The following EMILIN2 variants were observed in gnomAD, a reference collection of about 807,000 sequenced individuals.
EMILIN2 encodes the protein elastin microfibril interfacer 2.
In EMILIN2, 71 loss-of-function variants were observed where a neutral mutation model predicts 87.1. The observed-to-expected ratio is 0.82, with a 90% CI of 0.67 to 0.99. The LOEUF (loss-of-function observed/expected upper bound fraction) is 0.99, where lower values mean the gene tolerates loss of function less well. Among genes scored for constraint, EMILIN2 ranks in the 50% least tolerant of loss-of-function variants. The pLI is 0.00. For missense variants in EMILIN2, 1,407 were observed against 1,371.8 expected (o/e 1.03, Z -0.40); for synonymous variants, 581 against 563.4 (o/e 1.03, Z -0.44).
chr18:2,892,517 T>G, intron 4 of EMILIN2, 31 bp downstream of exon 4: 1 of 1,544,070 alleles, frequency 6.5e-7, no homozygotes, highest in Non-Finnish European at 8.7e-7. Flanking sequence ...CTATTTCTTG[T>G]ATTTCTTTGC....
At chr18:2,912,205 A>ATT (rs11401685) in intron 7 of EMILIN2, among the ~76,000 whole-genome samples, 4 of 151,106 alleles carry the variant, frequency 2.6e-5, no homozygotes, top group African/African-American at 9.7e-5. Context: ...CGCCCATCTA[A>ATT]TTTTTTTTGT....
intron 3 of EMILIN2, among the ~76,000 whole-genome samples, chr18:2,886,405 A>G (rs935676383): frequency 6.6e-6 from 1 of 152,244 alleles, no homozygotes; most frequent in Non-Finnish European, 1.5e-5. Context: ...GAATAGCTTT[A>G]TAAGGACTAA....
In EMILIN2 at chr18:2,891,872, T is replaced by G; in HGVS notation, c.1745T>G (p.Leu582Arg). 6.2e-7 allele frequency: 1 copy of G among 1,614,282 alleles called. No homozygotes were observed. The highest frequency in any genetic ancestry group is 8.5e-7 in the Non-Finnish European group (1 of 1,180,050). Residue 582 changes from leucine (L) to arginine (R), a missense_variant, in exon 4 of 8, where the codon CTT becomes CGT. Physicochemically the swap from Leu to Arg is moderately radical, Grantham distance 102. Coordinates refer to ENST00000254528, the MANE Select transcript of EMILIN2 (RefSeq NM_032048.3). This position sits in a 1 kb window ranked among gnomAD's most constrained non-coding sequence, Gnocchi z 4.6. The stretch of plus-strand genomic sequence containing the variant: ...CGCGCAGTACGCGACAGCCTGCACC[T>G]TTTGAAATCTCTCAACGACACGATG... Reference protein sequence around the residue: ...EDRAVRDSLHLLKSLNDTMHR... With the variant: ...EDRAVRDSLHRLKSLNDTMHR...
intron 4 of EMILIN2, among the ~76,000 whole-genome samples, chr18:2,902,230 G>A (rs909107304): frequency 7.9e-5 from 12 of 152,220 alleles, no homozygotes; most frequent in African/African-American, 2.9e-4. Flanking sequence ...ATGGCCCATA[G>A]CGCCTGTCAT....
At chr18:2,887,928 A>C (rs1388455283) in intron 3 of EMILIN2, among the ~76,000 whole-genome samples, 4 of 152,126 alleles carry the variant, frequency 2.6e-5, no homozygotes, top group Non-Finnish European at 5.9e-5. Context: ...CAGCATCCCA[A>C]AGTGCTGGGG....
intron 2 of EMILIN2, among the ~76,000 whole-genome samples, chr18:2,863,863 T>G (rs1384524639): frequency 6.6e-6 from 1 of 152,162 alleles, no homozygotes; most frequent in Non-Finnish European, 1.5e-5. Flanking sequence ...CTAAGTCTCT[T>G]TGTAGGTCTC....
At chr18:2,872,214 T>A (rs917834561) in intron 2 of EMILIN2, among the ~76,000 whole-genome samples, 1 of 152,226 alleles carries the variant, frequency 6.6e-6, no homozygotes, top group Non-Finnish European at 1.5e-5. Context: ...CTGCTGTTGC[T>A]CAATGAATGG....
At position 2,858,585 on chromosome 18, in the gene EMILIN2, A is replaced by G. The variant is rs192524190; in HGVS notation, c.257+10654A>G. On this transcript the variant is annotated intron_variant, in intron 2 of 7. Coordinates refer to ENST00000254528, the MANE Select transcript of EMILIN2 (RefSeq NM_032048.3). ...TATATATATATGTGTGTGTGTGTGT[A>G]TATATATATATATATATGTGTATAT... Among the ~76,000 whole-genome samples the G allele has an allele frequency of 8.0e-3, 669 of 83,624 alleles. 65 individuals carry two copies. Among genetic ancestry groups the G allele is most frequent in the African/African-American group, 0.033 (401 of 12,176 alleles). 54.9% of individuals were successfully genotyped at this position (83,624 alleles called of 152,430 possible).
intron 2 of EMILIN2, among the ~76,000 whole-genome samples, chr18:2,853,793 G>A (rs1414949822): frequency 1.3e-5 from 2 of 152,240 alleles, no homozygotes; most frequent in Non-Finnish European, 2.9e-5. Context: ...CTACCGCAGC[G>A]GGTGCTGCAT....
rs974236919 is a variant in EMILIN2 at position 2,880,103 on chromosome 18, C to T, written c.258-4861C>T. ...TACAGTCTGGCAGGGAGGACAAACA[C>T]GGAGTAAGCAAACACAAGTGTGAAC... is the stretch of plus-strand genomic sequence containing the variant. On this transcript the variant is annotated intron_variant, in intron 2 of 7. Coordinates refer to ENST00000254528, the MANE Select transcript of EMILIN2 (RefSeq NM_032048.3). The surrounding 1 kb of genome is among the most constrained non-coding windows in gnomAD (Gnocchi z 4.1). Among the ~76,000 whole-genome samples the T allele has an allele frequency of 2.0e-5, 3 of 152,144 alleles. No individual in the cohort carries two copies. Among genetic ancestry groups the T allele is most frequent in the Admixed American group, 1.3e-4 (2 of 15,278 alleles).
intron 4 of EMILIN2, among the ~76,000 whole-genome samples, chr18:2,904,812 G>A (rs1209233627): frequency 6.6e-6 from 1 of 152,110 alleles, no homozygotes; most frequent in African/African-American, 2.4e-5. Context: ...ACATTTAATG[G>A]GGAGACACTA....
At chr18:2,853,792 C>T (rs977375741) in intron 2 of EMILIN2, among the ~76,000 whole-genome samples, 1 of 152,222 alleles carries the variant, frequency 6.6e-6, no homozygotes, top group Non-Finnish European at 1.5e-5. Context: ...CCTACCGCAG[C>T]GGGTGCTGCA....
rs1301144892 is a variant in EMILIN2, at chr18:2,890,238, TTATC to T, written c.434-320_434-317del. 6.6e-6 allele frequency among the ~76,000 whole-genome samples: 1 copy of T among 152,224 alleles called. No individual in the cohort carries two copies. Among genetic ancestry groups the T allele is most frequent in the African/African-American group, 2.4e-5 (1 of 41,456 alleles). On this transcript the variant is annotated intron_variant, in intron 3 of 7. Coordinates refer to ENST00000254528, the MANE Select transcript of EMILIN2 (RefSeq NM_032048.3). The surrounding 1 kb of genome is among the most constrained non-coding windows in gnomAD (Gnocchi z 4.7). ...CCCTCAGGGTGAAAGAGACCATTGA[TTATC>T]TAATAGGTGTCATGTACATATTATT...
At chr18:2,898,466 C>T (rs909888351) in intron 4 of EMILIN2, among the ~76,000 whole-genome samples, 13 of 152,158 alleles carry the variant, frequency 8.5e-5, no homozygotes, top group Admixed American at 3.3e-4. Context: ...GTGCTGGTGG[C>T]GAGCAGGAAG....
In EMILIN2 at chr18:2,906,794, C is replaced by T. The variant is rs755902961; in HGVS notation, c.2371C>T (p.Pro791Ser). 49 of 1,265,558 alleles carry T rather than the reference C, an allele frequency of 3.9e-5. No individual in the cohort carries two copies. The highest frequency in any genetic ancestry group is 3.1e-4 in the Middle Eastern group (1 of 3,180). 78.4% of individuals were successfully genotyped at this position (1,265,558 alleles called of 1,614,324 possible). A position where few individuals can be genotyped will look rare whatever the true frequency, so the allele number is the denominator to read the frequency against. Reference protein sequence around the residue: ...KFQPSAKAPSPPPPAEAPKEP... With the variant: ...KFQPSAKAPSSPPPAEAPKEP... ...CCGACGCCCGGCAGAGGCGCCCTCG[C>T]CCCCGCCGCCCGCAGAGGCCCCGAA... Residue 791 changes from proline to serine, a missense_variant, in exon 5 of 8, where the codon CCC becomes TCC. Coordinates refer to ENST00000254528, the MANE Select transcript of EMILIN2 (RefSeq NM_032048.3).
intron 2 of EMILIN2, among the ~76,000 whole-genome samples, chr18:2,876,149 T>A (rs752006512): frequency 6.6e-6 from 1 of 151,674 alleles, no homozygotes; most frequent in African/African-American, 2.4e-5. Context: ...ACCCAGCTAA[T>A]TTTTTGTATT....
chr18:2,885,053 G>C lies in EMILIN2; in HGVS notation c.347G>C (p.Gly116Ala), dbSNP rs1422626838. The change falls in exon 3 of 8, where the codon GGA becomes GCA. Residue 116 changes from glycine to alanine, a missense_variant. Physicochemically the swap from Gly to Ala is moderately conservative, Grantham distance 60 (BLOSUM62 0). Coordinates refer to ENST00000254528, the MANE Select transcript of EMILIN2 (RefSeq NM_032048.3). ...EWRCCPGFRG[G>A]DCQEGPKDPV... ...AGGTGCTGTCCTGGCTTTAGAGGGG[G>C]AGATTGCCAAGAAGGTCCCAAAGAC... 1 of 1,613,842 alleles carries C rather than the reference G, an allele frequency of 6.2e-7. No individual in the cohort carries two copies. Among genetic ancestry groups the C allele is most frequent in the Non-Finnish European group, 8.5e-7 (1 of 1,179,908 alleles).
chr18:2,860,241 CT>C (rs1268442028), intron 2 of EMILIN2, among the ~76,000 whole-genome samples: 4 of 151,656 alleles, frequency 2.6e-5, no homozygotes, highest in Non-Finnish European at 4.4e-5. Context: ...TCTATGATTC[CT>C]TTTTTTTAAT....
intron 2 of EMILIN2, among the ~76,000 whole-genome samples, chr18:2,884,101 G>A (rs537273278): frequency 4.6e-5 from 7 of 151,470 alleles, no homozygotes; most frequent in South Asian, 2.1e-4. Context: ...GACTACAGGC[G>A]CACGCCATCA....
Sources: gnomAD v4.1 joint callset for allele counts (sites outside exome capture counted in the v4.1 genomes callset) on GRCh38, gnomAD v4.1.1 for gene constraint, Gnocchi (gnomAD v3.1) non-coding constraint, MANE v1.5 for transcripts, NCBI Gene and HGNC (gene_info 2026-07-23, HGNC 2026-07-21) for gene names.